The following TRAPPC3L variants were observed in gnomAD, a reference collection of about 807,000 sequenced individuals.
The protein encoded by TRAPPC3L is trafficking protein particle complex subunit 3L, also known as trafficking protein particle complex subunit 3-like protein.
A neutral mutation model predicts 23.7 loss-of-function variants in TRAPPC3L; 23 were observed. The ratio of observed to expected loss-of-function variants is 0.97; its 90% CI spans 0.70 to 1.37. The LOEUF is 1.37. Ranked by LOEUF, TRAPPC3L falls within the 40% of genes most tolerant of loss-of-function variation. TRAPPC3L has a pLI of 0.00. For synonymous variants in TRAPPC3L, 81 were observed against 77.9 expected, an observed-to-expected ratio of 1.04 and a Z score of -0.21; for missense variants, 212 against 216.8, an observed-to-expected ratio of 0.98 and a Z score of 0.14.
chr6:116,542,380 GTT>G (rs1773519313), intron 2 of TRAPPC3L, among the ~76,000 whole-genome samples: 1 of 151,984 alleles, frequency 6.6e-6, no homozygotes, highest in South Asian at 2.1e-4. Flanking sequence ...AAAAATGAGA[GTT>G]TTTTAAAAAG....
At chr6:116,507,175 A>G (rs1772021037) in intron 3 of TRAPPC3L, among the ~76,000 whole-genome samples, 1 of 152,116 alleles carries the variant, frequency 6.6e-6, no homozygotes, top group Non-Finnish European at 1.5e-5. Flanking sequence ...AAATTAAAAT[A>G]TTATTAATCA....
chr6:116,511,620 A>T, intron 3 of TRAPPC3L: 1 of 1,338,240 alleles, frequency 7.5e-7, no homozygotes, highest in Non-Finnish European at 1.0e-6. Context: ...ATGAAGAAAG[A>T]GCTCCACCCT....
intron 3 of TRAPPC3L, chr6:116,520,404 C>G (rs1772310771): frequency 6.6e-6 from 1 of 152,104 alleles, no homozygotes; most frequent in Admixed American, 6.6e-5. Context: ...GTTGTACAAG[C>G]CAGAGGATAT....
At chr6:116,520,007 T>G (rs1772301134) in intron 3 of TRAPPC3L, 1 of 152,210 alleles carries the variant, frequency 6.6e-6, no homozygotes, top group South Asian at 2.1e-4. Flanking sequence ...ACTACATAAT[T>G]CTATGCATTA....
At chr6:116,526,938 G>A (rs1347640480) in intron 3 of TRAPPC3L, among the ~76,000 whole-genome samples, 2 of 152,056 alleles carry the variant, frequency 1.3e-5, no homozygotes, top group African/African-American at 4.8e-5. Context: ...TTGAGTTATA[G>A]GCACTTGAAA....
intron 3 of TRAPPC3L, among the ~76,000 whole-genome samples, chr6:116,539,849 A>G (rs549734850): frequency 6.6e-6 from 1 of 152,348 alleles, no homozygotes; most frequent in Non-Finnish European, 1.5e-5. Flanking sequence ...ATTTCTAATA[A>G]AAGTGAGCTA....
chr6:116,526,990 T>TA (rs140086528), intron 3 of TRAPPC3L, among the ~76,000 whole-genome samples: 76 of 152,294 alleles, frequency 5.0e-4, no homozygotes, highest in African/African-American at 1.8e-3. Context: ...TGCTGTTTCT[T>TA]AAAGGCAGGA....
intron 3 of TRAPPC3L, among the ~76,000 whole-genome samples, chr6:116,527,755 G>C (rs1349495110): frequency 2.0e-5 from 3 of 152,180 alleles, no homozygotes; most frequent in African/African-American, 4.8e-5. Flanking sequence ...TGCAAAGGCA[G>C]AGCAGCCTAG....
chr6:116,516,878 C>T (rs886501119), intron 3 of TRAPPC3L: 1 of 151,786 alleles, frequency 6.6e-6, no homozygotes, highest in Non-Finnish European at 1.5e-5. Flanking sequence ...CTTACTAGGC[C>T]GTGGGTATGT....
intron 3 of TRAPPC3L, among the ~76,000 whole-genome samples, chr6:116,533,821 A>G (rs1772899843): frequency 6.6e-6 from 1 of 152,180 alleles, no homozygotes; most frequent in Non-Finnish European, 1.5e-5. Context: ...AGGGCATAGA[A>G]TACCCAGTGG....
At position 116,512,387 on chromosome 6, in the gene TRAPPC3L, A is replaced by G; in HGVS notation, c.241-11721T>C. The G allele has an allele frequency of 4.3e-6, 4 of 921,504 alleles. No individual in the cohort carries two copies. In the East Asian group the frequency reaches 1.1e-4, roughly 24 times the overall value. The allele number at this position is 921,504 out of a possible 1,614,324, so 57.1% of individuals were successfully genotyped here. ...GATGCAGCATTGAGACTATCTCAGG[A>G]AAAGCTTTTGAAAGGCTGGGTGGCT... is the stretch of plus-strand genomic sequence containing the variant. On this transcript the variant is annotated intron_variant, in intron 3 of 4. Coordinates refer to ENST00000368602, the MANE Select transcript of TRAPPC3L (RefSeq NM_001139444.3).
chr6:116,500,695 A>T, intron 3 of TRAPPC3L, 29 bp from the exon 4 acceptor site: 4 of 1,543,314 alleles, frequency 2.6e-6, no homozygotes, highest in Non-Finnish European at 3.5e-6. Flanking sequence ...AATTACTAAA[A>T]CTTGGTCTAG....
chr6:116,526,468 T>TA (rs1429783663), intron 3 of TRAPPC3L, among the ~76,000 whole-genome samples: 3 of 152,176 alleles, frequency 2.0e-5, no homozygotes, highest in Non-Finnish European at 4.4e-5. Flanking sequence ...GGAGAGCATT[T>TA]AAAAAGTTCT....
intron 3 of TRAPPC3L, chr6:116,524,052 A>T (rs1314887244): frequency 6.6e-6 from 1 of 152,204 alleles, no homozygotes. Context: ...TAATTTTGCT[A>T]TGTGTGGTAA....
chr6:116,516,043 C>T (rs746730425), intron 3 of TRAPPC3L: 9 of 1,517,178 alleles, frequency 5.9e-6, no homozygotes, highest in Non-Finnish European at 2.6e-6. Context: ...TTCTGTGATC[C>T]TCCTAACGTA....
chr6:116,508,321 G>A (rs1772042388), intron 3 of TRAPPC3L, among the ~76,000 whole-genome samples: 1 of 152,120 alleles, frequency 6.6e-6, no homozygotes, highest in Non-Finnish European at 1.5e-5. Flanking sequence ...TAGGGGTCTG[G>A]AGGTAAGTGA....
intron 3 of TRAPPC3L, among the ~76,000 whole-genome samples, chr6:116,527,491 G>T (rs1332850938): frequency 6.7e-6 from 1 of 148,774 alleles, no homozygotes; most frequent in East Asian, 2.0e-4. Flanking sequence ...CTCAAGTCTG[G>T]GCGACAGAGC....
At chr6:116,543,757 G>A (rs1773603267) in intron 1 of TRAPPC3L, 1 of 1,395,064 alleles carries the variant, frequency 7.2e-7, no homozygotes, top group East Asian at 2.5e-5. Context: ...TGCCATCCAT[G>A]TTTTCAGTTG....
chr6:116,534,509 A>C (rs1204665490), intron 3 of TRAPPC3L, among the ~76,000 whole-genome samples: 1 of 152,208 alleles, frequency 6.6e-6, no homozygotes, highest in South Asian at 2.1e-4. Flanking sequence ...GTGTACACTC[A>C]ACTCTAATCT....
Sources: gnomAD v4.1 joint callset for allele counts (sites outside exome capture counted in the v4.1 genomes callset) on GRCh38, gnomAD v4.1.1 for gene constraint, MANE v1.5 for transcripts, NCBI Gene and HGNC (gene_info 2026-07-23, HGNC 2026-07-21) for gene names.